DAPK1: variants seen among roughly 807,000 people sequenced by gnomAD.
The protein encoded by DAPK1 is death-associated protein kinase 1.
In DAPK1, 56 loss-of-function variants were observed where a neutral mutation model predicts 144.9. The ratio of observed to expected loss-of-function variants is 0.39; its 90% CI spans 0.31 to 0.48. The LOEUF is 0.48. DAPK1 is among the 20% of genes least tolerant of loss of function. DAPK1 has a pLI of 0.95. For synonymous variants in DAPK1, 690 were observed against 749.0 expected (o/e 0.92, Z 1.29); for missense variants, 1,454 against 1,875.4 (o/e 0.78, Z 4.15).
intron 22 of DAPK1, 30 bp downstream of exon 22, chr9:87,697,234 T>C: frequency 9.6e-7 from 1 of 1,046,354 alleles, no homozygotes. Context: ...GCCAGTGATG[T>C]CCTACCTGTG....
chr9:87,649,417 C>G (rs1253485836), intron 15 of DAPK1, among the ~76,000 whole-genome samples: 1 of 152,200 alleles, frequency 6.6e-6, no homozygotes, highest in African/African-American at 2.4e-5. Flanking sequence ...GCCAAAGCAA[C>G]AATACTGTTA....
chr9:87,580,104 T>C (rs750956828), intron 2 of DAPK1, among the ~76,000 whole-genome samples: 2 of 152,190 alleles, frequency 1.3e-5, no homozygotes, highest in Non-Finnish European at 2.9e-5. Flanking sequence ...ATATAAGGCC[T>C]CATTATTTAA....
intron 10 of DAPK1, 97 bp from the exon 11 acceptor site, chr9:87,643,279 C>A: frequency 1.5e-6 from 1 of 682,028 alleles, no homozygotes; most frequent in Non-Finnish European, 2.4e-6. Flanking sequence ...GTCGTTTGTA[C>A]TCATTTGACA....
chr9:87,531,080 T>C (rs2118356516), intron 2 of DAPK1, among the ~76,000 whole-genome samples: 1 of 152,312 alleles, frequency 6.6e-6, no homozygotes, highest in African/African-American at 2.4e-5. Flanking sequence ...ATTCCTTCTC[T>C]GGAGTGAGAA....
At chr9:87,680,120 T>C (rs1219091194) in intron 19 of DAPK1, among the ~76,000 whole-genome samples, 1 of 151,938 alleles carries the variant, frequency 6.6e-6, no homozygotes, top group African/African-American at 2.4e-5. Flanking sequence ...TTATTTTTCT[T>C]TTGAGACGGA....
At chr9:87,659,897 C>T (rs1004457378) in intron 18 of DAPK1, among the ~76,000 whole-genome samples, 10 of 152,180 alleles carry the variant, frequency 6.6e-5, no homozygotes, top group African/African-American at 1.2e-4. Context: ...GACAGGCACG[C>T]GCCCCTCAGG....
intron 2 of DAPK1, among the ~76,000 whole-genome samples, chr9:87,531,260 A>G (rs1296008530): frequency 6.6e-6 from 1 of 152,122 alleles, no homozygotes; most frequent in Admixed American, 6.5e-5. Context: ...TCCATACCCG[A>G]TGTTCACTGC....
chr9:87,663,158 C>T (rs1340821682), intron 18 of DAPK1, among the ~76,000 whole-genome samples: 1 of 152,106 alleles, frequency 6.6e-6, no homozygotes, highest in African/African-American at 2.4e-5. Context: ...GTCCTTGCCT[C>T]CCCTACTCCT....
intron 3 of DAPK1, among the ~76,000 whole-genome samples, chr9:87,607,469 G>T (rs558196835): frequency 3.9e-5 from 6 of 152,130 alleles, no homozygotes; most frequent in Non-Finnish European, 8.8e-5. Flanking sequence ...TGCCCCTCTT[G>T]TGCCTCTCTG....
chr9:87,567,307 C>T (rs541880081), intron 2 of DAPK1, among the ~76,000 whole-genome samples: 2 of 152,018 alleles, frequency 1.3e-5, no homozygotes, highest in South Asian at 2.1e-4. Context: ...GCTGATAGGC[C>T]CTGGAAAAGG....
chr9:87,586,616 T>A (rs949245356), intron 2 of DAPK1, among the ~76,000 whole-genome samples: 1 of 144,002 alleles, frequency 6.9e-6, no homozygotes, highest in African/African-American at 3.0e-5. Context: ...TTTAAGATAA[T>A]CAGACTAAGT....
chr9:87,528,775 G>A (rs1239171664), intron 2 of DAPK1, among the ~76,000 whole-genome samples: 2 of 151,114 alleles, frequency 1.3e-5, no homozygotes. Context: ...GGGAGGCTGA[G>A]GCAGGAGAAT....
chr9:87,675,848 TACACACACACACACACACACACAC>T (rs763359644), intron 19 of DAPK1, among the ~76,000 whole-genome samples: 2 of 117,316 alleles, frequency 1.7e-5, no homozygotes, highest in East Asian at 2.6e-4. Flanking sequence ...CATTCTACCC[TACACACACACACACACACACACAC>T]ACACACACAC....
At chr9:87,649,109 G>T (rs1005108577) in intron 15 of DAPK1, among the ~76,000 whole-genome samples, 1 of 152,162 alleles carries the variant, frequency 6.6e-6, no homozygotes, top group East Asian at 1.9e-4. Context: ...CATTCAATCT[G>T]CTGAACAGCC....
intron 2 of DAPK1, among the ~76,000 whole-genome samples, chr9:87,542,704 G>T (rs2118484068): frequency 6.6e-6 from 1 of 152,294 alleles, no homozygotes; most frequent in African/African-American, 2.4e-5. Context: ...GAGTGGCTCA[G>T]TTACCTAAAG....
chr9:87,668,589 T>TC lies in DAPK1; in HGVS notation c.1924-6dup. ...GAGAAAAGAAACTAATGCATTTTTC[T>TC]CCAACAGGACGGAAAGACGGCAGAA... On this transcript the variant is annotated splice_region_variant and splice_polypyrimidine_tract_variant and intron_variant, in intron 18 of 25. Coordinates refer to ENST00000408954, the MANE Select transcript of DAPK1 (RefSeq NM_004938.4). The TC allele has an allele frequency of 7.7e-7, 1 of 1,305,356 alleles. No individual in the cohort carries two copies. 80.9% of individuals were successfully genotyped at this position (1,305,356 alleles called of 1,614,324 possible).
chr9:87,610,642 C>A (rs1237299668), intron 3 of DAPK1, among the ~76,000 whole-genome samples: 1 of 152,206 alleles, frequency 6.6e-6, no homozygotes, highest in Non-Finnish European at 1.5e-5. Flanking sequence ...CCCTTAGGGG[C>A]TAGGCATACA....
At chr9:87,627,959 T>C (rs1460224351) in intron 3 of DAPK1, among the ~76,000 whole-genome samples, 2 of 152,242 alleles carry the variant, frequency 1.3e-5, no homozygotes, top group Admixed American at 6.5e-5. Context: ...TCCCATTTTC[T>C]GGACATGGAA....
At position 87,618,450 on chromosome 9, in the gene DAPK1, A is replaced by C. The variant is rs574299187; in HGVS notation, c.284+13275A>C. On this transcript the variant is annotated intron_variant, in intron 3 of 25. Coordinates refer to ENST00000408954, the MANE Select transcript of DAPK1 (RefSeq NM_004938.4). Reference sequence around the variant, plus strand: ...CTCAGACTGTACCCAAGAGACATGAAAATATATTTCCACATGAAAACTTAC... The same window carrying C: ...CTCAGACTGTACCCAAGAGACATGACAATATATTTCCACATGAAAACTTAC... Among the ~76,000 whole-genome samples the C allele has an allele frequency of 2.6e-5, 4 of 152,382 alleles. No individual in the cohort carries two copies. In the South Asian group the frequency reaches 8.3e-4, roughly 32 times the overall value.
Sources: gnomAD v4.1 joint callset for allele counts (sites outside exome capture counted in the v4.1 genomes callset) on GRCh38, gnomAD v4.1.1 for gene constraint, MANE v1.5 for transcripts, NCBI Gene and HGNC (gene_info 2026-07-23, HGNC 2026-07-21) for gene names.